Variants in DOCK4 observed in about 807,000 individuals in gnomAD.
DOCK4 encodes the protein dedicator of cytokinesis 4.
A neutral mutation model predicts 268.1 loss-of-function variants in DOCK4; 97 were observed. The ratio of observed to expected loss-of-function variants is 0.36; its 90% CI spans 0.31 to 0.43. The LOEUF (loss-of-function observed/expected upper bound fraction) is 0.43, where lower values mean the gene tolerates loss of function less well. Among genes scored for constraint, DOCK4 ranks in the 20% least tolerant of loss-of-function variants. The pLI, the probability that DOCK4 is intolerant of heterozygous loss-of-function variation, is 1.00. For missense variants in DOCK4, 2,145 were observed against 2,455.7 expected (o/e 0.87, Z 2.67); for synonymous variants, 954 against 887.2 (o/e 1.08, Z -1.34).
intron 1 of DOCK4, among the ~76,000 whole-genome samples, chr7:112,042,150 A>T (rs937988194): frequency 6.6e-6 from 1 of 152,166 alleles, no homozygotes; most frequent in Non-Finnish European, 1.5e-5. Flanking sequence ...AAAAAAAAAG[A>T]AAAAAGATTA....
At chr7:111,891,980 A>G (rs1442967613) in intron 16 of DOCK4, among the ~76,000 whole-genome samples, 1 of 151,990 alleles carries the variant, frequency 6.6e-6, no homozygotes, top group Non-Finnish European at 1.5e-5. Context: ...TTATAAAGCA[A>G]CTCTTTACAA....
chr7:111,847,972 G>T (rs1027977247), intron 23 of DOCK4, among the ~76,000 whole-genome samples: 9 of 152,176 alleles, frequency 5.9e-5, no homozygotes, highest in Middle Eastern at 3.4e-3. Context: ...TTTTTGCTTG[G>T]TTTTTTCTCT....
intron 52 of DOCK4, 82 bp from the exon 53 acceptor site, chr7:111,728,802 G>C: frequency 7.3e-7 from 1 of 1,365,234 alleles, no homozygotes; most frequent in Non-Finnish European, 9.8e-7. Flanking sequence ...GCCCCGACGC[G>C]GAGGCCCCGG....
intron 39 of DOCK4, among the ~76,000 whole-genome samples, chr7:111,761,642 C>T (rs1489347649): frequency 6.6e-6 from 1 of 152,034 alleles, no homozygotes; most frequent in African/African-American, 2.4e-5. Context: ...GACTCCAGGC[C>T]ACAGAGAGGG....
rs115140446 is a variant in DOCK4 at position 112,057,500 on chromosome 7, A to T, written c.38-53369T>A. ...CAAGGGTTCAAGGCTGTAGTGGACC[A>T]TGATGGCACCACTGCACTCCAGCTT... On this transcript the variant is annotated intron_variant, in intron 1 of 52. Transcript: ENST00000428084. Among the ~76,000 whole-genome samples, 797 of 151,994 alleles carry T rather than the reference A, an allele frequency of 5.2e-3. 9 individuals carry two copies. The highest frequency in any genetic ancestry group is 0.017 in the African/African-American group (719 of 41,440).
intron 1 of DOCK4, chr7:112,023,646 C>T (rs1802532794): frequency 4.4e-6 from 2 of 453,198 alleles, no homozygotes; most frequent in Non-Finnish European, 8.9e-6. Flanking sequence ...AAACTCTGTC[C>T]TTGGAATCCA....
chr7:112,192,520 C>T (rs1175443380), intron 1 of DOCK4, among the ~76,000 whole-genome samples: 1 of 152,150 alleles, frequency 6.6e-6, no homozygotes, highest in Non-Finnish European at 1.5e-5. Context: ...TGAATAATAT[C>T]ATCACCATCC....
intron 8 of DOCK4, among the ~76,000 whole-genome samples, chr7:111,973,214 G>T (rs188828700): frequency 6.5e-5 from 9 of 138,914 alleles, no homozygotes; most frequent in African/African-American, 2.5e-4. Flanking sequence ...CTCATTGATT[G>T]ATGGGCATTT....
intron 7 of DOCK4, among the ~76,000 whole-genome samples, chr7:111,982,607 T>G (rs904867401): frequency 6.6e-6 from 1 of 152,322 alleles, no homozygotes. Flanking sequence ...ACAGATTAAA[T>G]AATAAATCCA....
At chr7:111,779,910 T>C (rs1585962545) in intron 35 of DOCK4, among the ~76,000 whole-genome samples, 3 of 152,262 alleles carry the variant, frequency 2.0e-5, no homozygotes, top group Non-Finnish European at 4.4e-5. Flanking sequence ...CTGGAGACAC[T>C]TGAACTACTA....
Position 111,727,985 on chromosome 7 carries a change from A to G in DOCK4, c.*289T>C, listed in dbSNP as rs535798233. ...ATCGTATTGGTTTTAAGATTAAACT[A>G]TATAAAAAAAAGTGAACATAAAAAG... On this transcript the variant is annotated 3_prime_UTR_variant, in exon 53 of 53. Transcript: ENST00000428084. 7.6e-4 allele frequency: 245 copies of G among 321,218 alleles called. 1 individual carries two copies. The highest frequency in any genetic ancestry group is 4.5e-3 in the African/African-American group (212 of 47,048). 19.9% of individuals were successfully genotyped at this position (321,218 alleles called of 1,614,324 possible). A position where few individuals can be genotyped will look rare whatever the true frequency, so the allele number is the denominator to read the frequency against.
At chr7:112,192,027 T>C (rs1819999850) in intron 1 of DOCK4, among the ~76,000 whole-genome samples, 1 of 148,366 alleles carries the variant, frequency 6.7e-6, no homozygotes, top group African/African-American at 2.4e-5. Flanking sequence ...TTAAACATAG[T>C]ATAATTTAAA....
At chr7:112,158,408 T>G (rs780795961) in intron 1 of DOCK4, among the ~76,000 whole-genome samples, 5 of 152,204 alleles carry the variant, frequency 3.3e-5, no homozygotes, top group Non-Finnish European at 5.9e-5. Context: ...ACTTAATCTG[T>G]GTGGAAAAGT....
intron 35 of DOCK4, among the ~76,000 whole-genome samples, chr7:111,779,048 C>T (rs555018615): frequency 4.0e-5 from 6 of 148,486 alleles, no homozygotes; most frequent in Admixed American, 2.0e-4. Context: ...AGAAAGACTC[C>T]GTCTAAAAAA....
chr7:112,096,648 G>A (rs1810168172), intron 1 of DOCK4, among the ~76,000 whole-genome samples: 1 of 152,206 alleles, frequency 6.6e-6, no homozygotes, highest in Admixed American at 6.5e-5. Flanking sequence ...CATCAGACAA[G>A]AAGAATCTAA....
At chr7:112,106,987 G>A (rs1811193331) in intron 1 of DOCK4, among the ~76,000 whole-genome samples, 1 of 152,130 alleles carries the variant, frequency 6.6e-6, no homozygotes, top group South Asian at 2.1e-4. Flanking sequence ...AGTATGTGTG[G>A]CTATAGATCA....
At chr7:112,134,998 T>C (rs913681534) in intron 1 of DOCK4, among the ~76,000 whole-genome samples, 4 of 152,178 alleles carry the variant, frequency 2.6e-5, no homozygotes, top group Admixed American at 2.6e-4. Context: ...TATATGTGTG[T>C]GTGTGTGTAT....
chr7:111,913,582 T>G (rs1792322567), intron 13 of DOCK4, among the ~76,000 whole-genome samples: 1 of 151,838 alleles, frequency 6.6e-6, no homozygotes, highest in African/African-American at 2.4e-5. Flanking sequence ...GCTAATTTTT[T>G]GTATTTTTAG....
intron 2 of DOCK4, 35 bp downstream of exon 2, chr7:112,004,013 C>A: frequency 6.7e-7 from 1 of 1,496,900 alleles, no homozygotes; most frequent in Non-Finnish European, 9.2e-7. Context: ...TATGAACAGC[C>A]GTATGTTGAG....
Sources: gnomAD v4.1 joint callset for allele counts (sites outside exome capture counted in the v4.1 genomes callset) on GRCh38, gnomAD v4.1.1 for gene constraint, MANE v1.5 for transcripts, NCBI Gene and HGNC (gene_info 2026-07-23, HGNC 2026-07-21) for gene names.